TTC4: variants seen among roughly 807,000 people sequenced by gnomAD.
The protein encoded by TTC4 is tetratricopeptide repeat domain 4, also known as hsp70/Hsp90 co-chaperone CNS1 homolog.
A neutral mutation model predicts 51.9 loss-of-function variants in TTC4; 36 were observed. The ratio of observed to expected loss-of-function variants is 0.69; its 90% CI spans 0.53 to 0.92. The LOEUF (loss-of-function observed/expected upper bound fraction) is 0.92, where lower values mean the gene tolerates loss of function less well. Among genes scored for constraint, TTC4 ranks in the 40% least tolerant of loss-of-function variants. The pLI, the probability that TTC4 is intolerant of heterozygous loss-of-function variation, is 0.00. For synonymous variants in TTC4, 144 were observed against 164.2 expected, an observed-to-expected ratio of 0.88 and a Z score of 0.94; for missense variants, 399 against 454.6, an observed-to-expected ratio of 0.88 and a Z score of 1.11.
At chr1:54,718,928 C>T (rs890945448) in intron 3 of TTC4, among the ~76,000 whole-genome samples, 2 of 152,088 alleles carry the variant, frequency 1.3e-5, no homozygotes, top group African/African-American at 4.8e-5. Context: ...TCTGGAAACT[C>T]ATGTTTCTAG....
intron 5 of TTC4, among the ~76,000 whole-genome samples, chr1:54,725,216 A>G (rs1208058611): frequency 6.6e-6 from 1 of 152,214 alleles, no homozygotes; most frequent in East Asian, 1.9e-4. Flanking sequence ...CAGTATAAAA[A>G]GCTTTTTTAC....
chr1:54,716,306 A>G (rs569249944), intron 1 of TTC4, among the ~76,000 whole-genome samples: 1 of 152,318 alleles, frequency 6.6e-6, no homozygotes, highest in South Asian at 2.1e-4. Flanking sequence ...TGCGCGAACT[A>G]TATCACCAAT....
At chr1:54,725,280 C>T (rs937267485) in intron 5 of TTC4, among the ~76,000 whole-genome samples, 1 of 152,136 alleles carries the variant, frequency 6.6e-6, no homozygotes, top group Non-Finnish European at 1.5e-5. Context: ...TGTCAAAAAA[C>T]AATTAGAGGC....
chr1:54,716,939 C>CT (rs1180737430), intron 2 of TTC4, among the ~76,000 whole-genome samples: 6 of 152,144 alleles, frequency 3.9e-5, no homozygotes, highest in African/African-American at 1.4e-4. Flanking sequence ...AGTGAGAAGC[C>CT]TTTTGTCTTA....
chr1:54,737,372 T>C (rs562191318), intron 8 of TTC4: 4 of 511,124 alleles, frequency 7.8e-6, no homozygotes, highest in African/African-American at 7.7e-5. Flanking sequence ...TGAGCCTTGA[T>C]TCTGTCTTTG....
intron 8 of TTC4, among the ~76,000 whole-genome samples, chr1:54,735,680 C>T (rs892122564): frequency 7.2e-5 from 11 of 152,126 alleles, no homozygotes; most frequent in Admixed American, 6.6e-4. Context: ...TGTACAGTTA[C>T]TTTTTCTTTA....
In TTC4 at chr1:54,722,696, T is replaced by A; in HGVS notation, c.491T>A (p.Leu164Gln). 6.2e-7 allele frequency: 1 copy of A among 1,613,846 alleles called. No individual in the cohort carries two copies. The highest frequency in any genetic ancestry group is 8.5e-7 in the Non-Finnish European group (1 of 1,179,826). ...GCAGGTGCCTTATGCCATCTGGAAC[T>A]GAAACACTTTGCCGAGGCCGTGAAC... is the stretch of plus-strand genomic sequence containing the variant. ...IIRGALCHLE[L>Q]KHFAEAVNWC... The change falls in exon 5 of 10, where the codon CTG becomes CAG. Residue 164 changes from leucine (L) to glutamine (Q), a missense_variant. Leu to Gln is a moderately radical substitution (Grantham distance 113). Transcript: ENST00000371281.
At chr1:54,739,281 G>T (rs934193582) in intron 9 of TTC4, among the ~76,000 whole-genome samples, 18 of 152,080 alleles carry the variant, frequency 1.2e-4, no homozygotes, top group Non-Finnish European at 2.4e-4. Context: ...CAGGTAGCTG[G>T]AATATCAAGT....
rs1570075148 is a variant in TTC4 at position 54,741,677 on chromosome 1, A to C, written c.*164A>C. 1.6e-6 allele frequency: 1 copy of C among 625,624 alleles called. No homozygotes were observed. Among genetic ancestry groups the C allele is most frequent in the Non-Finnish European group, 2.8e-6 (1 of 356,640 alleles). The allele number at this position is 625,624 out of a possible 1,614,324, so 38.8% of individuals were successfully genotyped here. A position where few individuals can be genotyped will look rare whatever the true frequency, so the allele number is the denominator to read the frequency against. On this transcript the variant is annotated 3_prime_UTR_variant, in exon 10 of 10. Transcript: ENST00000371281. ...GGGGAGGAGCCTCTGGCTTCCCTAA[A>C]CTGCAGCCTCTCTGGCTGGTCTTCA...
At chr1:54,724,122 G>A (rs1645774194) in intron 5 of TTC4, among the ~76,000 whole-genome samples, 1 of 152,198 alleles carries the variant, frequency 6.6e-6, no homozygotes, top group South Asian at 2.1e-4. Context: ...CTGAATAGCT[G>A]AAGTATTCCC....
intron 6 of TTC4, among the ~76,000 whole-genome samples, chr1:54,728,886 C>T (rs1199532083): frequency 6.6e-6 from 1 of 152,166 alleles, no homozygotes; most frequent in East Asian, 1.9e-4. Context: ...TTTCTTTTTC[C>T]TTCTTTGTAA....
chr1:54,741,890 C>CA lies in TTC4; in HGVS notation c.*377_*378insA. ...GAGTTTGACACCTTAGAGAAGCTACCCCTCAAACTGCACATCTACACACAA... is the reference window on the plus strand; with the variant it reads ...GAGTTTGACACCTTAGAGAAGCTACCACCTCAAACTGCACATCTACACACAA... On this transcript the variant is annotated 3_prime_UTR_variant, in exon 10 of 10. Coordinates refer to ENST00000371281, the MANE Select transcript of TTC4 (RefSeq NM_004623.5). 4.4e-6 allele frequency: 1 copy of CA among 228,090 alleles called. No homozygotes were observed. Among genetic ancestry groups the CA allele is most frequent in the Non-Finnish European group, 8.5e-6 (1 of 117,978 alleles). The allele number at this position is 228,090 out of a possible 1,614,324, so 14.1% of individuals were successfully genotyped here.
At chr1:54,738,127 C>T (rs1330105023) in intron 9 of TTC4, among the ~76,000 whole-genome samples, 2 of 152,192 alleles carry the variant, frequency 1.3e-5, no homozygotes, top group Admixed American at 6.5e-5. Flanking sequence ...TCTTGAACTC[C>T]TGACCTCAGG....
At chr1:54,716,257 TACTTA>T (rs71753044) in intron 1 of TTC4, 26,914 of 550,470 alleles carry the variant, frequency 0.049, 823 homozygotes, top group African/African-American at 0.079. Context: ...ATGAGTCAGT[TACTTA>T]ACTTCTCAGA....
chr1:54,732,489 C>T (rs1277966209), intron 7 of TTC4, among the ~76,000 whole-genome samples: 2 of 147,576 alleles, frequency 1.4e-5, no homozygotes, highest in Admixed American at 6.7e-5. Flanking sequence ...GACCAAGTCT[C>T]GCTCTGTTGC....
At position 54,716,861 on chromosome 1, in the gene TTC4, T is replaced by C. The variant is rs896488496; in HGVS notation, c.229+144T>C. The C allele has an allele frequency of 8.9e-6, 6 of 677,420 alleles. No individual in the cohort carries two copies. In the African/African-American group the frequency reaches 9.0e-5, roughly 10 times the overall value. The allele number at this position is 677,420 out of a possible 1,614,324, so 42.0% of individuals were successfully genotyped here. A position where few individuals can be genotyped will look rare whatever the true frequency, so the allele number is the denominator to read the frequency against. On this transcript the variant is annotated intron_variant, in intron 2 of 9. Coordinates refer to ENST00000371281, the MANE Select transcript of TTC4 (RefSeq NM_004623.5). ...ATTCCAATATACTTCTTTTTGTACC[T>C]ACTAAGTGGTAAGGACTGGGGATAC...
chr1:54,725,003 T>C (rs2108034), intron 5 of TTC4, among the ~76,000 whole-genome samples: 87,353 of 152,018 alleles, frequency 0.57, 25,955 homozygotes, highest in East Asian at 0.97. Flanking sequence ...CTCCCTCCTC[T>C]CCAGTTCCAC....
rs1160088462 is a variant in TTC4 at position 54,721,066 on chromosome 1, C to A, written c.392-97C>A. On this transcript the variant is annotated intron_variant, in intron 3 of 9. Coordinates refer to ENST00000371281, the MANE Select transcript of TTC4 (RefSeq NM_004623.5). ...AACAGTTGCTCTCATTTGTATTTCC[C>A]CAGGATTGTACAAGAGTGTCTTTGT... 10 of 1,155,714 alleles carry A rather than the reference C, an allele frequency of 8.7e-6. No homozygotes were observed. The Middle Eastern group carries it at 5.9e-4, about 68-fold the overall frequency. 71.6% of individuals were successfully genotyped at this position (1,155,714 alleles called of 1,614,324 possible).
chr1:54,721,943 A>G (rs1645748137), intron 4 of TTC4, among the ~76,000 whole-genome samples: 1 of 152,172 alleles, frequency 6.6e-6, no homozygotes, highest in Non-Finnish European at 1.5e-5. Context: ...GTAATCCTTG[A>G]TTCAGTTGTT....
Sources: allele counts gnomAD v4.1 joint callset (sites outside exome capture counted in the v4.1 genomes callset), GRCh38; gene constraint gnomAD v4.1.1; transcripts MANE v1.5; gene names NCBI Gene and HGNC (gene_info 2026-07-23, HGNC 2026-07-21).